ITCH: variants seen among roughly 807,000 people sequenced by gnomAD.
ITCH encodes the protein E3 ubiquitin-protein ligase Itchy homolog.
Under a neutral mutation model 126.8 loss-of-function variants are expected in ITCH, and 28 were observed. That is an observed-to-expected ratio of 0.22 (90% confidence interval 0.16 to 0.30). ITCH has a LOEUF of 0.30. ITCH is among the 10% of genes least tolerant of loss of function. The pLI is 1.00. For synonymous variants in ITCH, 342 were observed against 340.0 expected (o/e 1.01, Z -0.06); for missense variants, 631 against 1,032.4 (o/e 0.61, Z 5.33).
At chr20:34,379,805 G>A (rs771100353) in intron 2 of ITCH, among the ~76,000 whole-genome samples, 158 of 151,266 alleles carry the variant, frequency 1.0e-3, no homozygotes, top group Non-Finnish European at 1.7e-3. Flanking sequence ...CACTGTGTTA[G>A]CCAGGATGGT....
chr20:34,393,437 G>A (rs2038557747), intron 2 of ITCH, among the ~76,000 whole-genome samples: 1 of 152,184 alleles, frequency 6.6e-6, no homozygotes, highest in Non-Finnish European at 1.5e-5. Context: ...AATGAGTGTA[G>A]ATAGAATAGG....
intron 12 of ITCH, among the ~76,000 whole-genome samples, chr20:34,453,613 G>T (rs1985515000): frequency 6.6e-6 from 1 of 151,940 alleles, no homozygotes; most frequent in African/African-American, 2.4e-5. Flanking sequence ...AAAAGAGAGA[G>T]AAAAAAGTTG....
intron 20 of ITCH, among the ~76,000 whole-genome samples, chr20:34,486,092 G>T (rs1323288135): frequency 6.6e-6 from 1 of 152,052 alleles, no homozygotes; most frequent in Non-Finnish European, 1.5e-5. Context: ...ATGGTTCACT[G>T]TAGCCTCAAC....
At chr20:34,420,615 C>G (rs993339134) in intron 6 of ITCH, among the ~76,000 whole-genome samples, 2 of 152,124 alleles carry the variant, frequency 1.3e-5, no homozygotes, top group African/African-American at 4.8e-5. Flanking sequence ...AGTAGAATTG[C>G]TGATGCTTGT....
At chr20:34,496,686 CCAACTACT>C (rs540478262) in intron 23 of ITCH, among the ~76,000 whole-genome samples, 123 of 151,700 alleles carry the variant, frequency 8.1e-4, no homozygotes, top group African/African-American at 2.7e-3. Context: ...GCCTGTCATC[CCAACTACT>C]CAGGAGGCTG....
intron 7 of ITCH, among the ~76,000 whole-genome samples, chr20:34,433,106 A>G (rs892662038): frequency 6.6e-6 from 1 of 152,190 alleles, no homozygotes; most frequent in Non-Finnish European, 1.5e-5. Flanking sequence ...CCTGGCCAAC[A>G]TGGTGAAACC....
intron 7 of ITCH, among the ~76,000 whole-genome samples, chr20:34,426,616 C>G (rs756791796): frequency 2.2e-4 from 33 of 148,514 alleles, no homozygotes; most frequent in Middle Eastern, 6.8e-3. Flanking sequence ...CCATGCCCGG[C>G]TGTTTGTATT....
intron 1 of ITCH, among the ~76,000 whole-genome samples, chr20:34,368,085 G>A (rs550917988): frequency 1.8e-4 from 27 of 152,178 alleles, no homozygotes; most frequent in African/African-American, 6.3e-4. Context: ...CCTGGCCAAC[G>A]TGGTGAAACC....
intron 23 of ITCH, among the ~76,000 whole-genome samples, chr20:34,495,338 G>T (rs1255812049): frequency 1.4e-5 from 2 of 143,864 alleles, no homozygotes; most frequent in African/African-American, 5.1e-5. Context: ...CACACACACG[G>T]TAAATTGTTG....
At chr20:34,366,216 A>G (rs1016891637) in intron 1 of ITCH, among the ~76,000 whole-genome samples, 2 of 152,118 alleles carry the variant, frequency 1.3e-5, no homozygotes, top group African/African-American at 2.4e-5. Context: ...ACGCAAGGTC[A>G]GAAAGGTTAA....
At chr20:34,432,905 T>G (rs577369962) in intron 7 of ITCH, among the ~76,000 whole-genome samples, 7 of 151,344 alleles carry the variant, frequency 4.6e-5, no homozygotes, top group African/African-American at 1.7e-4. Context: ...TGCAGTGAGC[T>G]GAAATCATGC....
chr20:34,460,023 TTAACAACACAGA>T (rs1450936812), intron 13 of ITCH, among the ~76,000 whole-genome samples: 1 of 152,228 alleles, frequency 6.6e-6, no homozygotes, highest in Non-Finnish European at 1.5e-5. Flanking sequence ...GAATTCTGCT[TTAACAACACAGA>T]TGACCTAGTT....
chr20:34,487,226 A>G (rs1255020143), intron 20 of ITCH, among the ~76,000 whole-genome samples: 1 of 151,466 alleles, frequency 6.6e-6, no homozygotes, highest in East Asian at 1.9e-4. Flanking sequence ...GTTAGCCAGG[A>G]AAGTCTCAAT....
At chr20:34,454,704 T>C (rs1201022732) in intron 12 of ITCH, among the ~76,000 whole-genome samples, 1 of 151,958 alleles carries the variant, frequency 6.6e-6, no homozygotes, top group Non-Finnish European at 1.5e-5. Flanking sequence ...GAAATAAAAT[T>C]AAATATTACC....
At chr20:34,383,337 A>T (rs1452787728) in intron 2 of ITCH, among the ~76,000 whole-genome samples, 2 of 147,950 alleles carry the variant, frequency 1.4e-5, no homozygotes, top group African/African-American at 5.0e-5. Context: ...GGCGTGAGCC[A>T]CCATGCCAGT....
intron 2 of ITCH, among the ~76,000 whole-genome samples, chr20:34,380,539 C>G (rs2038017546): frequency 6.8e-6 from 1 of 147,066 alleles, no homozygotes; most frequent in Non-Finnish European, 1.5e-5. Context: ...ACTCCTTTAT[C>G]AGATATGTGT....
intron 14 of ITCH, among the ~76,000 whole-genome samples, chr20:34,467,494 G>A (rs551753299): frequency 2.2e-4 from 33 of 150,368 alleles, no homozygotes; most frequent in African/African-American, 7.6e-4. Context: ...CTGTACTTGA[G>A]CCTGGGTGGC....
intron 12 of ITCH, among the ~76,000 whole-genome samples, chr20:34,456,966 C>G (rs1986066218): frequency 6.6e-6 from 1 of 150,810 alleles, no homozygotes; most frequent in African/African-American, 2.4e-5. Flanking sequence ...CATCTCATCT[C>G]TGCTACTTAA....
At chr20:34,396,190 T>C (rs956784260) in intron 3 of ITCH, among the ~76,000 whole-genome samples, 4 of 151,696 alleles carry the variant, frequency 2.6e-5, no homozygotes, top group African/African-American at 4.8e-5. Flanking sequence ...CGCACAACCA[T>C]GTGTAGCTAA....
Sources: gnomAD v4.1 joint callset for allele counts (sites outside exome capture counted in the v4.1 genomes callset) on GRCh38, gnomAD v4.1.1 for gene constraint, MANE v1.5 for transcripts, NCBI Gene and HGNC (gene_info 2026-07-23, HGNC 2026-07-21) for gene names.